Variants in ODAD2 observed in about 807,000 individuals in gnomAD.
ODAD2 encodes outer dynein arm-docking complex subunit 2.
A neutral mutation model predicts 106.8 loss-of-function variants in ODAD2; 89 were observed. That is an observed-to-expected ratio of 0.83 (90% CI 0.70 to 0.99). The LOEUF (loss-of-function observed/expected upper bound fraction) is 0.99, where lower values mean the gene tolerates loss of function less well. Among genes scored for constraint, ODAD2 ranks in the 50% least tolerant of loss-of-function variants. The probability of loss-of-function intolerance (pLI) is 0.00; values close to 1 mark genes in which losing one functional copy is unlikely to be tolerated. For missense variants in ODAD2, 1,168 were observed against 1,238.5 expected, an observed-to-expected ratio of 0.94 and a Z score of 0.85; for synonymous variants, 404 against 436.2, an observed-to-expected ratio of 0.93 and a Z score of 0.92.
At chr10:27,863,341 G>A (rs976844737) in intron 17 of ODAD2, among the ~76,000 whole-genome samples, 2 of 152,134 alleles carry the variant, frequency 1.3e-5, no homozygotes, top group Non-Finnish European at 2.9e-5. Context: ...GCACTAAATG[G>A]ACTGCAAAAT....
chr10:27,895,274 A>G (rs981430143), intron 17 of ODAD2, among the ~76,000 whole-genome samples: 8 of 152,148 alleles, frequency 5.3e-5, no homozygotes, highest in Non-Finnish European at 1.2e-4. Flanking sequence ...GATAGCCGCT[A>G]ACTACATGTA....
At chr10:27,893,460 G>A (rs1449572247) in intron 17 of ODAD2, among the ~76,000 whole-genome samples, 1 of 152,192 alleles carries the variant, frequency 6.6e-6, no homozygotes, top group Non-Finnish European at 1.5e-5. Flanking sequence ...TAAAGGCGTA[G>A]CTGGTGCTTT....
At chr10:27,814,433 G>A (rs1233125818) in intron 19 of ODAD2, among the ~76,000 whole-genome samples, 1 of 152,204 alleles carries the variant, frequency 6.6e-6, no homozygotes, top group Non-Finnish European at 1.5e-5. Context: ...AGAATATCTT[G>A]TTCAAATTGG....
chr10:27,934,124 T>A (rs1344759497), intron 16 of ODAD2, among the ~76,000 whole-genome samples: 4 of 152,200 alleles, frequency 2.6e-5, no homozygotes, highest in Non-Finnish European at 5.9e-5. Flanking sequence ...CCTGCCACCA[T>A]GTAAGATGTG....
At chr10:27,858,802 C>CT (rs1564434884) in intron 19 of ODAD2, among the ~76,000 whole-genome samples, 5 of 65,182 alleles carry the variant, frequency 7.7e-5, no homozygotes, top group East Asian at 8.6e-4. Context: ...CACCTTAGTA[C>CT]ATTTTTTTTT....
intron 1 of ODAD2, 21 bp downstream of exon 1, chr10:27,998,973 G>T (rs562068690): frequency 1.9e-5 from 3 of 156,584 alleles, no homozygotes; most frequent in South Asian, 3.7e-4. Context: ...ACCCGGCCGC[G>T]ACCGCAGCCC....
At chr10:27,867,445 C>G (rs2152018) in intron 17 of ODAD2, among the ~76,000 whole-genome samples, 103,954 of 151,974 alleles carry the variant, frequency 0.68, 35,684 homozygotes, top group Middle Eastern at 0.75. Context: ...AGAAACTACA[C>G]GGAATAGCAT....
intron 12 of ODAD2, among the ~76,000 whole-genome samples, chr10:27,943,899 G>A (rs781198362): frequency 1.6e-4 from 23 of 146,848 alleles, no homozygotes; most frequent in Non-Finnish European, 2.2e-4. Context: ...GCATTCCACC[G>A]AGCAGCAGGT....
Position 27,939,003 on chromosome 10 carries a change from G to A in ODAD2, c.2097+894C>T, listed in dbSNP as rs955578985. On this transcript the variant is annotated intron_variant, in intron 14 of 19. Transcript: ENST00000305242. Reference sequence around the variant, plus strand: ...TAGAAGCAGACGTGCACAGTAACCAGCCATCCACTACTTTGTCAAGGCCAT... The same window carrying A: ...TAGAAGCAGACGTGCACAGTAACCAACCATCCACTACTTTGTCAAGGCCAT... 5.3e-5 allele frequency among the ~76,000 whole-genome samples: 8 copies of A among 152,160 alleles called. 1 individual carries two copies. The South Asian group carries it at 1.2e-3, about 24-fold the overall frequency.
At chr10:27,885,827 A>AT (rs1465014884) in intron 17 of ODAD2, among the ~76,000 whole-genome samples, 12 of 91,052 alleles carry the variant, frequency 1.3e-4, no homozygotes, top group African/African-American at 3.0e-4. Flanking sequence ...TATAATATAT[A>AT]AATATATATA....
chr10:27,856,184 C>T (rs988751464), intron 19 of ODAD2, among the ~76,000 whole-genome samples: 2 of 152,062 alleles, frequency 1.3e-5, no homozygotes, highest in African/African-American at 2.4e-5. Context: ...GATACAAATC[C>T]CTGGGCTGAT....
chr10:27,917,891 A>T (rs1309704864), intron 16 of ODAD2, among the ~76,000 whole-genome samples: 1 of 151,942 alleles, frequency 6.6e-6, no homozygotes, highest in Non-Finnish European at 1.5e-5. Flanking sequence ...TGAATAATAC[A>T]AGGATATTGC....
chr10:27,827,379 CTAT>C (rs1480438338), intron 19 of ODAD2, among the ~76,000 whole-genome samples: 85 of 132,470 alleles, frequency 6.4e-4, no homozygotes, highest in African/African-American at 1.6e-3. Flanking sequence ...CACACACACA[CTAT>C]ATATATATAT....
chr10:27,877,469 C>A (rs1208743751), intron 17 of ODAD2, among the ~76,000 whole-genome samples: 1 of 151,788 alleles, frequency 6.6e-6, no homozygotes, highest in East Asian at 1.9e-4. Flanking sequence ...ACATTAGGCT[C>A]AAAACCCTGC....
At chr10:27,956,529 A>G (rs1185149784) in intron 10 of ODAD2, among the ~76,000 whole-genome samples, 1 of 152,198 alleles carries the variant, frequency 6.6e-6, no homozygotes, top group Non-Finnish European at 1.5e-5. Flanking sequence ...TGCCTGGACA[A>G]TACGGGCATC....
At chr10:27,906,245 C>G (rs1450786842) in intron 17 of ODAD2, among the ~76,000 whole-genome samples, 1 of 152,104 alleles carries the variant, frequency 6.6e-6, no homozygotes, top group Non-Finnish European at 1.5e-5. Context: ...ATGCGACCAA[C>G]AAACGTATGA....
chr10:27,921,455 C>A (rs1004915846), intron 16 of ODAD2, among the ~76,000 whole-genome samples: 2 of 150,620 alleles, frequency 1.3e-5, no homozygotes, highest in African/African-American at 4.9e-5. Context: ...TCATGTATGC[C>A]AGGTAGTTTG....
rs145213721 is a variant in ODAD2 at position 27,913,922 on chromosome 10, C to T, written c.2496-6145G>A. Among the ~76,000 whole-genome samples the T allele has an allele frequency of 4.8e-3, 733 of 152,180 alleles. 6 individuals are homozygous for T. Among genetic ancestry groups the T allele is most frequent in the African/African-American group, 0.017 (704 of 41,536 alleles). ...AGTTCAGCCACTGTGAAAAGCAGTT[C>T]GGAGATTTCTCAAAGAACTTAAAAC... On this transcript the variant is annotated intron_variant, in intron 16 of 19. Transcript: ENST00000305242.
Position 27,961,654 on chromosome 10 carries a change from C to T in ODAD2, c.1300G>A (p.Glu434Lys), listed in dbSNP as rs749432215. 1 of 1,609,462 alleles carries T rather than the reference C, an allele frequency of 6.2e-7. No individual in the cohort carries two copies. The highest frequency in any genetic ancestry group is 1.3e-5 in the African/African-American group (1 of 74,936). The change falls in exon 10 of 20, where the codon GAA (glutamate) becomes AAA (lysine). Residue 434 changes from glutamate (E) to lysine (K), a missense_variant. Transcript: ENST00000305242. ...TCCTGACGATGGTCAGGTGGTTCTT[C>T]ATCTTCCTCACTTTCTGAGGAGCTA... is the stretch of plus-strand genomic sequence containing the variant. ...SDSSSESEED[E>K]EPPDHRQEAS...
Sources: gnomAD v4.1 joint callset for allele counts (sites outside exome capture counted in the v4.1 genomes callset) on GRCh38, gnomAD v4.1.1 for gene constraint, MANE v1.5 for transcripts, NCBI Gene and HGNC (gene_info 2026-07-23, HGNC 2026-07-21) for gene names.